AR: variants seen among roughly 807,000 people sequenced by gnomAD.
AR encodes the protein dihydrotestosterone receptor.
Under a neutral mutation model 53.9 loss-of-function variants are expected in AR, and 8 were observed. The observed-to-expected ratio is 0.15, with a 90% CI of 0.09 to 0.27. The LOEUF (loss-of-function observed/expected upper bound fraction) is 0.27. Among genes scored for constraint, AR ranks in the 10% least tolerant of loss-of-function variants. AR has a pLI of 1.00. For missense variants in AR, 639 were observed against 742.5 expected, an observed-to-expected ratio of 0.86 and a Z score of 1.62; for synonymous variants, 359 against 316.4, an observed-to-expected ratio of 1.13 and a Z score of -1.43.
intron 2 of AR, among the ~76,000 whole-genome samples, chrX:67,670,410 A>G (rs976237845): frequency 9.6e-5 from 10 of 104,593 alleles, no homozygotes; most frequent in Non-Finnish European, 1.4e-4. Flanking sequence ...ATTTACAAGA[A>G]ACATAATTCA....
chrX:67,690,694 A>T (rs1368243205), intron 3 of AR, among the ~76,000 whole-genome samples: 1 of 112,264 alleles, frequency 8.9e-6, no homozygotes, highest in Non-Finnish European at 1.9e-5. Flanking sequence ...GGGAAGCAGA[A>T]CTGAATAAGA....
chrX:67,687,789 T>C (rs1263597952), intron 3 of AR, among the ~76,000 whole-genome samples: 1 of 112,370 alleles, frequency 8.9e-6, no homozygotes, highest in African/African-American at 3.2e-5. Context: ...TCTGGCAATA[T>C]GAATTGCAAG....
rs757855363 is a variant in AR at position 67,645,103 on chromosome X, G to A, written c.1768+1696G>A. 2.0e-4 allele frequency among the ~76,000 whole-genome samples: 22 copies of A among 111,501 alleles called. No individual in the cohort carries two copies. In the South Asian group the frequency reaches 6.8e-3, roughly 34 times the overall value. On this transcript the variant is annotated intron_variant, in intron 2 of 7. Transcript: ENST00000374690. ...GCACTCATCTAGAGGTAGTGTGTCA[G>A]CAAGCCCAGGCACTGCACCACAGTA...
At position 67,645,044 on chromosome X, in the gene AR, C is replaced by G. The variant is rs917853417; in HGVS notation, c.1768+1637C>G. 7.2e-5 allele frequency among the ~76,000 whole-genome samples: 8 copies of G among 110,966 alleles called. No individual in the cohort carries two copies. In the Admixed American group the frequency reaches 7.7e-4, roughly 11 times the overall value. ...CACCTCCCCATACCCTCTCACCTAG[C>G]GGGCCCTGTCTATAGAGCAGAGAAT... On this transcript the variant is annotated intron_variant, in intron 2 of 7. Coordinates refer to ENST00000374690, the MANE Select transcript of AR (RefSeq NM_000044.6).
At chrX:67,656,728 T>C (rs1454665148) in intron 2 of AR, among the ~76,000 whole-genome samples, 3 of 110,773 alleles carry the variant, frequency 2.7e-5, no homozygotes, top group African/African-American at 9.8e-5. Context: ...CAAGCATCTG[T>C]TTTATGTCAG....
chrX:67,601,663 T>A (rs1923364594), intron 1 of AR, among the ~76,000 whole-genome samples: 1 of 112,478 alleles, frequency 8.9e-6, no homozygotes, highest in Admixed American at 9.4e-5. Context: ...AAAGTTTATT[T>A]CAGATTCATG....
At chrX:67,657,944 A>G (rs987441372) in intron 2 of AR, among the ~76,000 whole-genome samples, 1 of 111,823 alleles carries the variant, frequency 8.9e-6, no homozygotes, top group Non-Finnish European at 1.9e-5. Flanking sequence ...GGATTGGAGC[A>G]TGTCTATCAC....
At chrX:67,664,837 C>G (rs1052145635) in intron 2 of AR, among the ~76,000 whole-genome samples, 1 of 112,530 alleles carries the variant, frequency 8.9e-6, no homozygotes, top group African/African-American at 3.2e-5. Context: ...CCCCCAGCCT[C>G]GCTGCTGCCT....
At chrX:67,577,006 T>C (rs368641896) in intron 1 of AR, among the ~76,000 whole-genome samples, 58 of 97,441 alleles carry the variant, frequency 6.0e-4, no homozygotes, top group Non-Finnish European at 8.2e-4. Flanking sequence ...CTCTCTCTCT[T>C]TTTTTTTTTT....
At position 67,724,364 on chromosome X, in the gene AR, A is replaced by C. The variant is rs2147541889; in HGVS notation, c.*523A>C. On this transcript the variant is annotated 3_prime_UTR_variant, in exon 8 of 8. Coordinates refer to ENST00000374690, the MANE Select transcript of AR (RefSeq NM_000044.6). ...TCAAAAATAAATAAATAAATAAATA[A>C]ATACGTACATACATACACACATACA... The C allele has an allele frequency of 5.6e-6, 1 of 179,023 alleles. No individual in the cohort carries two copies. The highest frequency in any genetic ancestry group is 2.7e-4 in the South Asian group (1 of 3,707). 14.8% of individuals were successfully genotyped at this position (179,023 alleles called of 1,213,427 possible).
intron 1 of AR, among the ~76,000 whole-genome samples, chrX:67,558,099 G>T (rs1339295630): frequency 8.9e-6 from 1 of 111,946 alleles, no homozygotes; most frequent in Non-Finnish European, 1.9e-5. Flanking sequence ...AGATGGAAAG[G>T]GACCTGGCTA....
At chrX:67,597,506 C>A (rs1052616405) in intron 1 of AR, among the ~76,000 whole-genome samples, 5 of 111,860 alleles carry the variant, frequency 4.5e-5, no homozygotes, top group Non-Finnish European at 7.5e-5. Flanking sequence ...CTTCATGTTG[C>A]CAGATATTAA....
intron 1 of AR, among the ~76,000 whole-genome samples, chrX:67,603,966 A>G (rs1223042888): frequency 9.0e-6 from 1 of 111,173 alleles, no homozygotes. Flanking sequence ...ATAGCTTTGT[A>G]AGGTGCTGAG....
intron 1 of AR, among the ~76,000 whole-genome samples, chrX:67,593,984 A>G (rs762323392): frequency 6.4e-4 from 71 of 111,706 alleles, no homozygotes; most frequent in African/African-American, 2.2e-3. Context: ...GAACCGAGGA[A>G]TAATTTGGTT....
chrX:67,673,854 T>C (rs912369083), intron 2 of AR, among the ~76,000 whole-genome samples: 7 of 111,322 alleles, frequency 6.3e-5, no homozygotes, highest in Non-Finnish European at 9.4e-5. Context: ...CTAGTAGATG[T>C]TTTTCAGTGT....
At chrX:67,627,849 A>C (rs1184333872) in intron 1 of AR, among the ~76,000 whole-genome samples, 2 of 111,784 alleles carry the variant, frequency 1.8e-5, no homozygotes, top group African/African-American at 6.5e-5. Context: ...TCAGCTTTCT[A>C]CATATGGCTA....
At chrX:67,555,052 G>A (rs1027835272) in intron 1 of AR, among the ~76,000 whole-genome samples, 2 of 111,158 alleles carry the variant, frequency 1.8e-5, no homozygotes, top group African/African-American at 3.3e-5. Context: ...AACTGCTTAC[G>A]AGGAGCTTAT....
At chrX:67,704,229 C>A (rs911754237) in intron 3 of AR, among the ~76,000 whole-genome samples, 6 of 112,012 alleles carry the variant, frequency 5.4e-5, no homozygotes, top group Non-Finnish European at 1.1e-4. Flanking sequence ...ACACTGACTT[C>A]CACAATGGTT....
At chrX:67,585,802 T>C (rs969297720) in intron 1 of AR, among the ~76,000 whole-genome samples, 3 of 112,396 alleles carry the variant, frequency 2.7e-5, no homozygotes, top group Non-Finnish European at 5.6e-5. Context: ...AACACTGTTG[T>C]ACCCAAAGCA....
Sources: gnomAD v4.1 joint callset for allele counts (sites outside exome capture counted in the v4.1 genomes callset) on GRCh38, gnomAD v4.1.1 for gene constraint, MANE v1.5 for transcripts, NCBI Gene and HGNC (gene_info 2026-07-23, HGNC 2026-07-21) for gene names.